Variants in LIMCH1 observed in about 807,000 individuals in gnomAD.
LIMCH1 encodes the protein LIM and calponin homology domains-containing protein 1.
A neutral mutation model predicts 176.5 loss-of-function variants in LIMCH1; 113 were observed. The ratio of observed to expected loss-of-function variants is 0.64; its 90% confidence interval spans 0.55 to 0.75. The LOEUF (loss-of-function observed/expected upper bound fraction) is 0.75, where lower values mean the gene tolerates loss of function less well. Among genes scored for constraint, LIMCH1 ranks in the 30% least tolerant of loss-of-function variants. The pLI is 0.00. For synonymous variants in LIMCH1, 619 were observed against 645.9 expected (o/e 0.96, Z 0.63); for missense variants, 1,674 against 1,814.9 (o/e 0.92, Z 1.41).
At position 41,497,805 on chromosome 4, in the gene LIMCH1, C is replaced by CAA. The variant is rs58720797; in HGVS notation, c.167+3212_167+3213dup. On this transcript the variant is annotated intron_variant, in intron 2 of 26. Transcript: ENST00000313860. ...GGGCAACAAGAGCGAAACTTCGTCT[C>CAA]AAAAAAAAAAAAAATTAAGTTTAGG... 8.0e-3 allele frequency among the ~76,000 whole-genome samples: 1,124 copies of CAA among 140,454 alleles called. 13 individuals are homozygous for CAA. Among genetic ancestry groups the CAA allele is most frequent in the African/African-American group, 0.026 (999 of 38,306 alleles). The allele number at this position is 140,454 out of a possible 152,430, so 92.1% of individuals were successfully genotyped here.
At chr4:41,374,853 G>T (rs750354186) in intron 1 of LIMCH1, among the ~76,000 whole-genome samples, 9 of 152,166 alleles carry the variant, frequency 5.9e-5, no homozygotes, top group Admixed American at 2.0e-4. Context: ...CTAAAGGCTG[G>T]CTGGGAAAGA....
intron 1 of LIMCH1, among the ~76,000 whole-genome samples, chr4:41,452,092 T>G (rs1229643997): frequency 1.3e-5 from 2 of 152,098 alleles, no homozygotes; most frequent in African/African-American, 4.8e-5. Flanking sequence ...CTGTAGAGCC[T>G]CTCCCCACTG....
At chr4:41,421,972 A>T (rs1448719737) in intron 1 of LIMCH1, among the ~76,000 whole-genome samples, 1 of 152,028 alleles carries the variant, frequency 6.6e-6, no homozygotes, top group Non-Finnish European at 1.5e-5. Flanking sequence ...AATCCCAGCT[A>T]CTTGGGAGGC....
chr4:41,409,282 G>T (rs1402739694), intron 1 of LIMCH1, among the ~76,000 whole-genome samples: 1 of 152,156 alleles, frequency 6.6e-6, no homozygotes, highest in Non-Finnish European at 1.5e-5. Flanking sequence ...CTCATGAGCA[G>T]CTGAAATGTG....
intron 1 of LIMCH1, among the ~76,000 whole-genome samples, chr4:41,456,841 C>T (rs556212648): frequency 2.8e-4 from 42 of 152,278 alleles, no homozygotes; most frequent in African/African-American, 9.9e-4. Flanking sequence ...GTGGTCGATG[C>T]TACAGGTCAG....
chr4:41,668,976 A>T (rs2094925014), intron 21 of LIMCH1, among the ~76,000 whole-genome samples: 1 of 152,152 alleles, frequency 6.6e-6, no homozygotes, highest in South Asian at 2.1e-4. Flanking sequence ...GTTACCTCCC[A>T]CCAGGTCCCT....
chr4:41,415,755 A>C (rs1451071971), intron 1 of LIMCH1, among the ~76,000 whole-genome samples: 1 of 152,134 alleles, frequency 6.6e-6, no homozygotes, highest in Non-Finnish European at 1.5e-5. Context: ...GGGCAGGCAG[A>C]TCGCGAGGTC....
At position 41,627,017 on chromosome 4, in the gene LIMCH1, ATGGTGTG is replaced by A. The variant is rs1221808538; in HGVS notation, c.1028+10_1028+16del. The A allele has an allele frequency of 2.7e-5, 35 of 1,316,110 alleles. No individual in the cohort carries two copies. The African/African-American group carries it at 5.4e-4, about 20-fold the overall frequency. The allele number at this position is 1,316,110 out of a possible 1,614,324, so 81.5% of individuals were successfully genotyped here. On this transcript the variant is annotated splice_region_variant and intron_variant, in intron 8 of 31. Transcript: ENST00000503057. ...GAAGTCTAGAATATAAAAGGTGTGC[ATGGTGTG>A]TGTGTGTGTGTGTGTGTGTGTGTGT...
intron 1 of LIMCH1, among the ~76,000 whole-genome samples, chr4:41,415,097 T>TGG (rs2059812205): frequency 6.6e-6 from 1 of 152,282 alleles, no homozygotes; most frequent in Non-Finnish European, 1.5e-5. Context: ...GCTGGTACCT[T>TGG]GTGAGTGCTC....
chr4:41,403,730 C>T (rs1375567108), intron 1 of LIMCH1, among the ~76,000 whole-genome samples: 1 of 152,220 alleles, frequency 6.6e-6, no homozygotes, highest in African/African-American at 2.4e-5. Flanking sequence ...TACTTATACA[C>T]TTAATTCCCA....
At chr4:41,519,795 C>G (rs1341297917) in intron 2 of LIMCH1, among the ~76,000 whole-genome samples, 1 of 152,212 alleles carries the variant, frequency 6.6e-6, no homozygotes, top group Non-Finnish European at 1.5e-5. Context: ...CCACTGGATT[C>G]TCACTCTAAT....
At chr4:41,604,269 G>A in intron 3 of LIMCH1, 3 of 949,922 alleles carry the variant, frequency 3.2e-6, no homozygotes, top group Non-Finnish European at 1.3e-6. Context: ...GCAAATTGTT[G>A]TAGGGTAAGA....
At chr4:41,671,909 A>C (rs549566093) in intron 22 of LIMCH1, among the ~76,000 whole-genome samples, 1 of 146,114 alleles carries the variant, frequency 6.8e-6, no homozygotes, top group Non-Finnish European at 1.5e-5. Flanking sequence ...AAAAAAAAAG[A>C]GTATTCAACC....
rs548791371 is a variant in LIMCH1 at position 41,453,962 on chromosome 4, G to A, written c.97-40574G>A. Among the ~76,000 whole-genome samples, 32 of 151,578 alleles carry A rather than the reference G, an allele frequency of 2.1e-4. No individual in the cohort carries two copies. In the South Asian group the frequency reaches 2.7e-3, roughly 13 times the overall value. ...TCTTCTACCCTTCTCTCCTTGCCCC[G>A]CCTCCTCCAACACTCTTACTCTGGT... On this transcript the variant is annotated intron_variant, in intron 1 of 26. Transcript: ENST00000313860.
chr4:41,616,839 C>G (rs570151284), intron 5 of LIMCH1, among the ~76,000 whole-genome samples: 3 of 151,878 alleles, frequency 2.0e-5, no homozygotes, highest in Non-Finnish European at 4.4e-5. Context: ...TTTAAGTATC[C>G]CAGGGTCACA....
chr4:41,387,992 C>T (rs2154108206), intron 1 of LIMCH1, among the ~76,000 whole-genome samples: 1 of 152,292 alleles, frequency 6.6e-6, no homozygotes, highest in Non-Finnish European at 1.5e-5. Context: ...TGCCTGTAAT[C>T]CCAGCTACTT....
chr4:41,487,434 T>G (rs775143041), intron 1 of LIMCH1, among the ~76,000 whole-genome samples: 1 of 152,278 alleles, frequency 6.6e-6, no homozygotes, highest in East Asian at 1.9e-4. Flanking sequence ...AACTAGCATC[T>G]TCCTGCAAAC....
At chr4:41,599,047 GT>G in intron 2 of LIMCH1, 21 bp downstream of exon 2, 3 of 1,445,008 alleles carry the variant, frequency 2.1e-6, no homozygotes, top group Non-Finnish European at 2.9e-6. Context: ...CGTGATTTAT[GT>G]TTAAGGGAAA....
chr4:41,684,308 G>T, intron 26 of LIMCH1, 89 bp from the exon 27 acceptor site: 1 of 1,085,764 alleles, frequency 9.2e-7, no homozygotes, highest in Non-Finnish European at 1.3e-6. Context: ...TATTGTAATT[G>T]GTACTCCCAT....
Sources: allele counts gnomAD v4.1 joint callset (sites outside exome capture counted in the v4.1 genomes callset), GRCh38; gene constraint gnomAD v4.1.1; transcripts MANE v1.5; gene names NCBI Gene and HGNC (gene_info 2026-07-23, HGNC 2026-07-21).